The following ARNT variants were observed in gnomAD, a reference collection of about 807,000 sequenced individuals.
The protein encoded by ARNT is class E basic helix-loop-helix protein 2.
In ARNT, 30 loss-of-function variants were observed where a neutral mutation model predicts 105.0. That is an observed-to-expected ratio of 0.29 (90% CI 0.21 to 0.39). The LOEUF (loss-of-function observed/expected upper bound fraction) is 0.39, where lower values mean the gene tolerates loss of function less well. ARNT is among the 10% of genes least tolerant of loss of function. The pLI is 1.00. For synonymous variants in ARNT, 304 were observed against 344.0 expected (o/e 0.88, Z 1.29); for missense variants, 748 against 978.7 (o/e 0.76, Z 3.15).
chr1:150,826,714 G>T, intron 12 of ARNT, 97 bp from the exon 13 acceptor site: 1 of 840,604 alleles, frequency 1.2e-6, no homozygotes, highest in Non-Finnish European at 1.9e-6. Context: ...GCGCGATCTT[G>T]GCTCACTGCA....
intron 1 of ARNT, among the ~76,000 whole-genome samples, chr1:150,865,527 T>A (rs1666419575): frequency 6.6e-6 from 1 of 152,098 alleles, no homozygotes; most frequent in Non-Finnish European, 1.5e-5. Flanking sequence ...TAAGGAGAAT[T>A]AGTTCAGCAT....
intron 1 of ARNT, among the ~76,000 whole-genome samples, chr1:150,862,878 C>A (rs1455990212): frequency 6.6e-6 from 1 of 151,754 alleles, no homozygotes; most frequent in Non-Finnish European, 1.5e-5. Flanking sequence ...TGGTGAAACT[C>A]CGTGTCTACT....
intron 14 of ARNT, among the ~76,000 whole-genome samples, chr1:150,819,113 TAAGTAGTCATAATCTGATCTTC>T (rs1656542607): frequency 6.6e-6 from 1 of 152,100 alleles, no homozygotes; most frequent in Non-Finnish European, 1.5e-5. Context: ...TCATATTTGC[TAAGTAGTCATAATCTGATCTTC>T]AAGAGGTGGA....
chr1:150,875,430 T>C (rs923585586), intron 1 of ARNT, among the ~76,000 whole-genome samples: 1 of 152,160 alleles, frequency 6.6e-6, no homozygotes, highest in Non-Finnish European at 1.5e-5. Flanking sequence ...AAAATCTAAT[T>C]TAAATTTCAA....
At chr1:150,834,508 C>G (rs374453267) in intron 8 of ARNT, 30 bp downstream of exon 8, 2 of 1,604,000 alleles carry the variant, frequency 1.2e-6, no homozygotes, top group African/African-American at 2.7e-5. Flanking sequence ...CCTTCCTATA[C>G]CAAATCACAA....
chr1:150,861,263 T>G (rs1411733709), intron 1 of ARNT: 1 of 429,462 alleles, frequency 2.3e-6, no homozygotes, highest in African/African-American at 2.1e-5. Flanking sequence ...TCCCAGCTAC[T>G]CGGGGTCTGA....
intron 13 of ARNT, among the ~76,000 whole-genome samples, chr1:150,825,979 T>C (rs1405943404): frequency 6.6e-6 from 1 of 151,970 alleles, no homozygotes; most frequent in Non-Finnish European, 1.5e-5. Flanking sequence ...AGTGGCATGA[T>C]CTCAGTTCAC....
At chr1:150,829,436 C>T (rs984194580) in intron 11 of ARNT, 2 of 608,904 alleles carry the variant, frequency 3.3e-6, no homozygotes, top group Non-Finnish European at 5.8e-6. Context: ...TTACACTTTA[C>T]CAAGTTAGTA....
At chr1:150,830,026 A>C in intron 10 of ARNT, 46 bp from the exon 11 acceptor site, 6 of 1,594,646 alleles carry the variant, frequency 3.8e-6, no homozygotes, top group Non-Finnish European at 5.2e-6. Context: ...CCTCCAACTC[A>C]AATGCCTTCA....
intron 12 of ARNT, among the ~76,000 whole-genome samples, chr1:150,827,730 C>A (rs1402981126): frequency 2.6e-5 from 4 of 152,180 alleles, no homozygotes; most frequent in Non-Finnish European, 5.9e-5. Context: ...GTATGTTTAA[C>A]TTTGTAGGAA....
intron 1 of ARNT, among the ~76,000 whole-genome samples, chr1:150,864,739 G>A (rs1412587786): frequency 2.1e-5 from 3 of 144,248 alleles, no homozygotes; most frequent in Non-Finnish European, 3.0e-5. Flanking sequence ...ATGTGCACAT[G>A]TACCCTAAAA....
intron 19 of ARNT, among the ~76,000 whole-genome samples, chr1:150,815,606 T>G (rs1024463750): frequency 2.0e-5 from 3 of 149,442 alleles, no homozygotes; most frequent in African/African-American, 7.4e-5. Flanking sequence ...ACGCCTGTAA[T>G]CCCAGCACTT....
chr1:150,846,298 AT>A lies in ARNT; in HGVS notation c.191del (p.Asp64ValfsTer42). On this transcript the variant is annotated frameshift_variant, in exon 4 of 22. Coordinates refer to ENST00000358595, the MANE Select transcript of ARNT (RefSeq NM_001668.4). LOFTEE classifies it high-confidence loss of function. ...GCTCCTTATCGTTAGACATCTGATCATCATCACACCTGAAGGAGAGAAAAAG... is the reference window on the plus strand; with the variant it reads ...GCTCCTTATCGTTAGACATCTGATCACATCACACCTGAAGGAGAGAAAAAG... The part of the protein sequence containing the change: ...EGNSKFLRCD[D>X]DQMSNDKERF... The A allele has an allele frequency of 6.2e-7, 1 of 1,613,818 alleles. No individual in the cohort carries two copies. The highest frequency in any genetic ancestry group is 1.3e-5 in the African/African-American group (1 of 75,052).
chr1:150,854,877 A>C (rs947363717), intron 2 of ARNT, among the ~76,000 whole-genome samples: 2 of 149,490 alleles, frequency 1.3e-5, no homozygotes, highest in Non-Finnish European at 3.0e-5. Flanking sequence ...AAAAAAAAAA[A>C]GGGAAGGGGA....
intron 14 of ARNT, among the ~76,000 whole-genome samples, chr1:150,820,437 G>T (rs1312247628): frequency 6.6e-6 from 1 of 152,172 alleles, no homozygotes; most frequent in Non-Finnish European, 1.5e-5. Context: ...ACGATGGACT[G>T]CTTGTGCCCA....
intron 2 of ARNT, among the ~76,000 whole-genome samples, chr1:150,854,907 G>A (rs1664317857): frequency 6.8e-6 from 1 of 147,980 alleles, no homozygotes; most frequent in South Asian, 2.2e-4. Flanking sequence ...AAGGAGGGAG[G>A]GAAAGGTAAT....
rs1654674995 is a variant in ARNT at position 150,811,334 on chromosome 1, A to C, written c.*687T>G. ...TTGGCTGCAATACTAAGTGGAAAATACCTGGAAGATTTAACTCCTTAGGAC... is the reference window on the plus strand; with the variant it reads ...TTGGCTGCAATACTAAGTGGAAAATCCCTGGAAGATTTAACTCCTTAGGAC... On this transcript the variant is annotated 3_prime_UTR_variant, in exon 22 of 22. Coordinates refer to ENST00000358595, the MANE Select transcript of ARNT (RefSeq NM_001668.4). 1 of 233,758 alleles carries C rather than the reference A, an allele frequency of 4.3e-6. No individual in the cohort carries two copies. The allele number at this position is 233,758 out of a possible 1,614,324, so 14.5% of individuals were successfully genotyped here.
chr1:150,836,231 A>C (rs1249387950), intron 7 of ARNT, 49 bp downstream of exon 7: 2 of 1,580,074 alleles, frequency 1.3e-6, no homozygotes, highest in South Asian at 2.2e-5. Flanking sequence ...GTCTCAGGAA[A>C]AAAACAAGAA....
In ARNT at chr1:150,823,450, C is replaced by T. The variant is rs587672597; in HGVS notation, c.1243-105G>A. 29 of 1,040,530 alleles carry T rather than the reference C, an allele frequency of 2.8e-5. No individual in the cohort carries two copies. The South Asian group carries it at 6.7e-4, about 24-fold the overall frequency. 64.5% of individuals were successfully genotyped at this position (1,040,530 alleles called of 1,614,324 possible). ...TAACCCTAAAACTCTTGTCATTGTC[C>T]TTGAGGCACCAATATTTTTCAATAT... On this transcript the variant is annotated intron_variant, in intron 13 of 21. Transcript: ENST00000358595.
Sources: gnomAD v4.1 joint callset for allele counts (sites outside exome capture counted in the v4.1 genomes callset) on GRCh38, gnomAD v4.1.1 for gene constraint, MANE v1.5 for transcripts, NCBI Gene and HGNC (gene_info 2026-07-23, HGNC 2026-07-21) for gene names.